ZFPM2: variants seen among roughly 807,000 people sequenced by gnomAD.
ZFPM2 encodes the protein zinc finger protein, FOG family member 2, also known as zinc finger protein ZFPM2.
ZFPM2 carries 20 observed loss-of-function variants against 98.6 expected under a neutral mutation model. That is an observed-to-expected ratio of 0.20 (90% CI 0.14 to 0.29). The LOEUF (loss-of-function observed/expected upper bound fraction) is 0.29. Ranked by LOEUF, ZFPM2 falls within the 10% of genes least tolerant of loss-of-function variation. ZFPM2 has a pLI of 1.00. For synonymous variants in ZFPM2, 518 were observed against 502.7 expected (o/e 1.03, Z -0.41); for missense variants, 1,310 against 1,388.6 (o/e 0.94, Z 0.90).
At chr8:105,397,989 A>AAGGGATACATAT (rs1811257363) in intron 1 of ZFPM2, among the ~76,000 whole-genome samples, 1 of 152,180 alleles carries the variant, frequency 6.6e-6, no homozygotes, top group African/African-American at 2.4e-5. Context: ...ATTATTTGTT[A>AAGGGATACATAT]ACATGTAAGG....
intron 5 of ZFPM2, among the ~76,000 whole-genome samples, chr8:105,734,800 G>A (rs1419712748): frequency 6.6e-6 from 1 of 151,548 alleles, no homozygotes; most frequent in East Asian, 1.9e-4. Context: ...CTCTTTTATA[G>A]TCCTTTTTTT....
intron 3 of ZFPM2, among the ~76,000 whole-genome samples, chr8:105,538,610 C>T (rs1171940354): frequency 1.3e-5 from 2 of 151,812 alleles, no homozygotes; most frequent in Admixed American, 6.6e-5. Context: ...AAACATTATC[C>T]GTGACTTTAT....
intron 5 of ZFPM2, among the ~76,000 whole-genome samples, chr8:105,708,636 G>C (rs1263878977): frequency 1.3e-4 from 20 of 152,054 alleles, no homozygotes; most frequent in Non-Finnish European, 5.9e-5. Flanking sequence ...TTGAGATGAG[G>C]TTTCGCCATG....
intron 4 of ZFPM2, among the ~76,000 whole-genome samples, chr8:105,574,344 G>A (rs896647708): frequency 3.9e-5 from 6 of 152,310 alleles, no homozygotes; most frequent in Admixed American, 3.3e-4. Flanking sequence ...AGAAAGAAAG[G>A]TTAAGTGGTC....
chr8:105,534,376 TCTTTCCTTCCTTCCTCCCTTCCTAC>T (rs1429242721), intron 3 of ZFPM2, among the ~76,000 whole-genome samples: 2 of 142,120 alleles, frequency 1.4e-5, no homozygotes, highest in East Asian at 4.4e-4. Context: ...TTTCTTCCTT[TCTTTCCTTCCTTCCTCCCTTCCTAC>T]CTTTCCTTCC....
At chr8:105,613,444 G>A (rs1413449470) in intron 4 of ZFPM2, among the ~76,000 whole-genome samples, 1 of 152,066 alleles carries the variant, frequency 6.6e-6, no homozygotes, top group African/African-American at 2.4e-5. Context: ...AAAATTTTAG[G>A]TGAAGAAAAT....
At chr8:105,329,488 AC>A (rs1412181483) in intron 1 of ZFPM2, among the ~76,000 whole-genome samples, 1 of 151,826 alleles carries the variant, frequency 6.6e-6, no homozygotes, top group African/African-American at 2.4e-5. Flanking sequence ...TCATTTCATA[AC>A]TAAATCATAT....
chr8:105,406,212 C>T lies in ZFPM2; in HGVS notation c.41-12932C>T, dbSNP rs568659522. On this transcript the variant is annotated intron_variant, in intron 1 of 7. Coordinates refer to ENST00000407775, the MANE Select transcript of ZFPM2 (RefSeq NM_012082.4). ...GATGAGTAGGTTGCAAAAATTTTCTCCCATTCTGTAGGTTGCCTGTTCACT... is the reference window on the plus strand; with the variant it reads ...GATGAGTAGGTTGCAAAAATTTTCTTCCATTCTGTAGGTTGCCTGTTCACT... Among the ~76,000 whole-genome samples, 934 of 152,090 alleles carry T rather than the reference C, an allele frequency of 6.1e-3. 4 individuals are homozygous for T. Among genetic ancestry groups the T allele is most frequent in the Non-Finnish European group, 0.01 (687 of 67,976 alleles).
chr8:105,543,904 G>GCA (rs1467840191), intron 3 of ZFPM2, among the ~76,000 whole-genome samples: 1 of 152,238 alleles, frequency 6.6e-6, no homozygotes, highest in African/African-American at 2.4e-5. Context: ...AGTCAGGCAT[G>GCA]CACACACACA....
intron 5 of ZFPM2, among the ~76,000 whole-genome samples, chr8:105,748,385 T>C (rs1812398418): frequency 6.6e-6 from 1 of 152,064 alleles, no homozygotes; most frequent in African/African-American, 2.4e-5. Context: ...AATATTAGGC[T>C]AAGGTTTAGA....
intron 3 of ZFPM2, among the ~76,000 whole-genome samples, chr8:105,452,463 A>G (rs1055011450): frequency 5.3e-5 from 8 of 151,632 alleles, no homozygotes; most frequent in Admixed American, 5.3e-4. Context: ...AAATGTATGC[A>G]CTGTCCAGGC....
At chr8:105,514,001 G>GTT (rs1230854977) in intron 3 of ZFPM2, among the ~76,000 whole-genome samples, 3 of 116,048 alleles carry the variant, frequency 2.6e-5, no homozygotes, top group Admixed American at 1.6e-4. Flanking sequence ...GGTCCGGAGT[G>GTT]TCTTTTTTTT....
intron 5 of ZFPM2, among the ~76,000 whole-genome samples, chr8:105,658,155 C>T (rs1817320112): frequency 1.3e-5 from 2 of 152,090 alleles, no homozygotes; most frequent in South Asian, 4.1e-4. Context: ...GTCTGGAAGC[C>T]TCTGGTGAGT....
chr8:105,410,468 A>T (rs1253032926), intron 1 of ZFPM2, among the ~76,000 whole-genome samples: 2 of 151,916 alleles, frequency 1.3e-5, no homozygotes, highest in Admixed American at 6.6e-5. Context: ...CTAGCAAAAG[A>T]AGGAAATATA....
At chr8:105,438,682 A>G (rs1026845072) in intron 2 of ZFPM2, among the ~76,000 whole-genome samples, 3 of 152,204 alleles carry the variant, frequency 2.0e-5, no homozygotes, top group Admixed American at 2.0e-4. Context: ...GGAGAACTCA[A>G]AAGACCCGAA....
rs1437266893 is a variant in ZFPM2, at chr8:105,759,665, G to A, written c.533-29053G>A. ...TGGATAATAACTTGCTAGGGTTAAG[G>A]AACTTGACTTTATTATTATCTTGAA... On this transcript the variant is annotated intron_variant, in intron 5 of 7. Transcript: ENST00000407775. Among the ~76,000 whole-genome samples, 4 of 151,224 alleles carry A rather than the reference G, an allele frequency of 2.6e-5. No individual in the cohort carries two copies. In the Admixed American group the frequency reaches 2.7e-4, roughly 10 times the overall value.
chr8:105,587,485 C>T (rs1470905650), intron 4 of ZFPM2, among the ~76,000 whole-genome samples: 1 of 152,016 alleles, frequency 6.6e-6, no homozygotes, highest in Non-Finnish European at 1.5e-5. Context: ...ATGCTTTCTG[C>T]ATAAGAATGT....
At position 105,672,120 on chromosome 8, in the gene ZFPM2, T is replaced by A. The variant is rs1158791331; in HGVS notation, c.532+37763T>A. Among the ~76,000 whole-genome samples, 4 of 152,268 alleles carry A rather than the reference T, an allele frequency of 2.6e-5. No homozygotes were observed. In the South Asian group the frequency reaches 6.2e-4, roughly 24 times the overall value. ...CAATAGTTGGTTCTATCTATACATT[T>A]GTTATTTCTTACTCATATAGCATTT... On this transcript the variant is annotated intron_variant, in intron 5 of 7. Transcript: ENST00000407775.
chr8:105,536,631 G>T (rs1283796600), intron 3 of ZFPM2, among the ~76,000 whole-genome samples: 4 of 152,084 alleles, frequency 2.6e-5, no homozygotes, highest in Admixed American at 2.6e-4. Flanking sequence ...AGGACACATT[G>T]TTGGCTTTAA....
Sources: gnomAD v4.1 joint callset for allele counts (sites outside exome capture counted in the v4.1 genomes callset) on GRCh38, gnomAD v4.1.1 for gene constraint, MANE v1.5 for transcripts, NCBI Gene and HGNC (gene_info 2026-07-23, HGNC 2026-07-21) for gene names.